The following SYN2 variants were observed in gnomAD, a reference collection of about 807,000 sequenced individuals.
SYN2 encodes synapsin-2.
SYN2 carries 19 observed loss-of-function variants against 50.9 expected under a neutral mutation model. The ratio of observed to expected loss-of-function variants is 0.37; its 90% CI spans 0.26 to 0.55. The LOEUF (loss-of-function observed/expected upper bound fraction) is 0.55. Ranked by LOEUF, SYN2 falls within the 20% of genes least tolerant of loss-of-function variation. The pLI is 0.81. For missense variants in SYN2, 587 were observed against 576.4 expected, an observed-to-expected ratio of 1.02 and a Z score of -0.19; for synonymous variants, 255 against 224.9, an observed-to-expected ratio of 1.13 and a Z score of -1.20.
chr3:12,044,181 T>TCTCTCTCTCTCTCTCACA (rs573246278), intron 1 of SYN2, among the ~76,000 whole-genome samples: 7 of 53,356 alleles, frequency 1.3e-4, no homozygotes, highest in African/African-American at 3.2e-4. Context: ...TCTCTCTCTC[T>TCTCTCTCTCTCTCTCACA]CACACACACA....
At chr3:12,116,922 T>A (rs904202789) in intron 1 of SYN2, among the ~76,000 whole-genome samples, 12 of 152,106 alleles carry the variant, frequency 7.9e-5, no homozygotes, top group Non-Finnish European at 1.2e-4. Flanking sequence ...GCTAATTTTT[T>A]ATTTTTTTTG....
intron 1 of SYN2, among the ~76,000 whole-genome samples, chr3:12,104,236 A>G (rs1411410036): frequency 1.3e-5 from 2 of 152,200 alleles, no homozygotes; most frequent in African/African-American, 4.8e-5. Context: ...GGGCTCAGGC[A>G]ATGCCCCTGA....
chr3:12,168,364 C>T lies in SYN2; in HGVS notation c.1056-12C>T, dbSNP rs1429756623. The T allele has an allele frequency of 1.2e-6, 2 of 1,610,592 alleles. No homozygotes were observed. The highest frequency in any genetic ancestry group is 2.2e-5 in the South Asian group (2 of 90,318). On this transcript the variant is annotated splice_polypyrimidine_tract_variant and intron_variant, in intron 8 of 12. Transcript: ENST00000621198. ...TTGCCCCAGCTTCAGGACACCTTCCCATCACCTCCAGGTACAAACTGTGGG... is the reference window on the plus strand; with the variant it reads ...TTGCCCCAGCTTCAGGACACCTTCCTATCACCTCCAGGTACAAACTGTGGG...
chr3:12,130,143 T>C (rs1044543782), intron 1 of SYN2, among the ~76,000 whole-genome samples: 1 of 152,058 alleles, frequency 6.6e-6, no homozygotes, highest in Non-Finnish European at 1.5e-5. Context: ...TGTGTGTGTG[T>C]GTGTGTACAT....
intron 1 of SYN2, among the ~76,000 whole-genome samples, chr3:12,005,234 G>T (rs1376829371): frequency 1.3e-5 from 2 of 152,110 alleles, no homozygotes; most frequent in South Asian, 4.1e-4. Flanking sequence ...GTTTTTTTGG[G>T]GGTAGAGGAG....
At position 12,174,639 on chromosome 3, in the gene SYN2, G is replaced by T. The variant is rs142550483; in HGVS notation, c.1308+4733G>T. ...TGGGATTACAGGCACGCGCCACCAC[G>T]CCCGGCTAATTTTTTGTATTTTAGT... On this transcript the variant is annotated intron_variant, in intron 10 of 12. Transcript: ENST00000621198. Among the ~76,000 whole-genome samples, 20 of 152,202 alleles carry T rather than the reference G, an allele frequency of 1.3e-4. No homozygotes were observed. In the East Asian group the frequency reaches 3.7e-3, roughly 28 times the overall value.
At chr3:12,190,216 G>A (rs1027235900) in intron 12 of SYN2, among the ~76,000 whole-genome samples, 6 of 152,110 alleles carry the variant, frequency 3.9e-5, no homozygotes, top group South Asian at 2.1e-4. Context: ...CCTTTGAGTC[G>A]CCTCTTCCTC....
intron 10 of SYN2, among the ~76,000 whole-genome samples, chr3:12,178,237 C>G (rs1698133759): frequency 6.6e-6 from 1 of 152,198 alleles, no homozygotes. Flanking sequence ...CCCTGGGACC[C>G]TTTCCCAATT....
At chr3:12,144,050 A>G (rs540884660) in intron 3 of SYN2, among the ~76,000 whole-genome samples, 48 of 152,332 alleles carry the variant, frequency 3.2e-4, no homozygotes, top group Non-Finnish European at 5.9e-4. Flanking sequence ...GTCATTGTAT[A>G]TCATATGACT....
At chr3:12,083,192 C>T (rs1036025805) in intron 1 of SYN2, among the ~76,000 whole-genome samples, 14 of 151,892 alleles carry the variant, frequency 9.2e-5, no homozygotes, top group African/African-American at 2.7e-4. Context: ...TTGTATTTTT[C>T]GTAGAGACAG....
chr3:12,022,457 G>C (rs958934222), intron 1 of SYN2, among the ~76,000 whole-genome samples: 5 of 152,048 alleles, frequency 3.3e-5, no homozygotes. Flanking sequence ...TGCCAGGCTG[G>C]AGTGCAGTGG....
At chr3:12,068,435 T>C (rs1695268788) in intron 1 of SYN2, among the ~76,000 whole-genome samples, 1 of 152,204 alleles carries the variant, frequency 6.6e-6, no homozygotes, top group Non-Finnish European at 1.5e-5. Flanking sequence ...CTCTTTGGCT[T>C]GCTTTTCCGA....
chr3:12,086,297 A>G (rs535260613), intron 1 of SYN2, among the ~76,000 whole-genome samples: 1 of 152,254 alleles, frequency 6.6e-6, no homozygotes, highest in Admixed American at 6.5e-5. Context: ...TATTTAAAGA[A>G]CTAATACCAA....
chr3:12,059,016 A>G (rs1185159555), intron 1 of SYN2, among the ~76,000 whole-genome samples: 1 of 152,220 alleles, frequency 6.6e-6, no homozygotes, highest in Non-Finnish European at 1.5e-5. Flanking sequence ...GGTTATATGC[A>G]TCCAAGTCAT....
intron 1 of SYN2, among the ~76,000 whole-genome samples, chr3:12,033,218 TGAG>T (rs1256713910): frequency 6.6e-6 from 1 of 152,090 alleles, no homozygotes; most frequent in Non-Finnish European, 1.5e-5. Flanking sequence ...GGGACCCACT[TGAG>T]GAGGCAGTCT....
chr3:12,162,198 A>G (rs371377485), intron 7 of SYN2, 44 bp downstream of exon 7: 5 of 1,599,418 alleles, frequency 3.1e-6, no homozygotes, highest in East Asian at 2.2e-5. Flanking sequence ...GATGATGGAA[A>G]AGCTGAGCCT....
chr3:12,108,264 A>T (rs1383266325), intron 1 of SYN2, among the ~76,000 whole-genome samples: 1 of 152,200 alleles, frequency 6.6e-6, no homozygotes, highest in East Asian at 1.9e-4. Context: ...GAGTGTTTTT[A>T]TTAGAAGTAG....
intron 12 of SYN2, 52 bp from the exon 13 acceptor site, chr3:12,190,438 G>T: frequency 3.7e-6 from 6 of 1,605,832 alleles, no homozygotes; most frequent in South Asian, 2.2e-5. Flanking sequence ...GTCCTTCCCT[G>T]CCTTGCTGGG....
At chr3:12,089,496 C>T (rs1048636452) in intron 1 of SYN2, among the ~76,000 whole-genome samples, 1 of 152,102 alleles carries the variant, frequency 6.6e-6, no homozygotes, top group Non-Finnish European at 1.5e-5. Context: ...TATCAATGCG[C>T]AATCATTATT....
Sources: allele counts gnomAD v4.1 joint callset (sites outside exome capture counted in the v4.1 genomes callset), GRCh38; gene constraint gnomAD v4.1.1; transcripts MANE v1.5; gene names NCBI Gene and HGNC (gene_info 2026-07-23, HGNC 2026-07-21).